ANO3: variants seen among roughly 807,000 people sequenced by gnomAD.
ANO3 encodes anoctamin 3, also known as anoctamin-3.
A neutral mutation model predicts 144.8 loss-of-function variants in ANO3; 99 were observed. That is an observed-to-expected ratio of 0.68 (90% CI 0.58 to 0.81). The LOEUF is 0.81. ANO3 is among the 30% of genes least tolerant of loss of function. The pLI is 0.00. For synonymous variants in ANO3, 414 were observed against 392.6 expected (o/e 1.05, Z -0.64); for missense variants, 905 against 1,202.2 (o/e 0.75, Z 3.66).
intron 7 of ANO3, among the ~76,000 whole-genome samples, chr11:26,530,436 T>G (rs1241442976): frequency 1.3e-5 from 2 of 151,522 alleles, no homozygotes; most frequent in Non-Finnish European, 1.5e-5. Context: ...AAGCAGGGAT[T>G]AATATCTATC....
intron 1 of ANO3, among the ~76,000 whole-genome samples, chr11:26,368,498 A>G (rs1201108633): frequency 1.3e-5 from 2 of 152,174 alleles, no homozygotes; most frequent in African/African-American, 4.8e-5. Context: ...ACCTAGTTTT[A>G]TATGGAATAA....
At chr11:26,322,607 A>G (rs1245358649) in intron 1 of ANO3, among the ~76,000 whole-genome samples, 1 of 152,090 alleles carries the variant, frequency 6.6e-6, no homozygotes, top group Non-Finnish European at 1.5e-5. Flanking sequence ...TTATGGTTAG[A>G]AAGGAATTAT....
At chr11:26,565,277 G>C in intron 14 of ANO3, 1 of 1,604,892 alleles carries the variant, frequency 6.2e-7, no homozygotes, top group Non-Finnish European at 8.5e-7. Context: ...AGCTATCACT[G>C]TTTGTGGTAA....
chr11:26,265,978 T>A (rs1038115778), intron 1 of ANO3, among the ~76,000 whole-genome samples: 9 of 152,180 alleles, frequency 5.9e-5, no homozygotes, highest in African/African-American at 1.9e-4. Context: ...AAGGGGAAAG[T>A]CCTGTCAGTG....
chr11:26,238,394 T>C (rs1399432524), intron 1 of ANO3, among the ~76,000 whole-genome samples: 1 of 152,148 alleles, frequency 6.6e-6, no homozygotes, highest in Non-Finnish European at 1.5e-5. Context: ...TTGAATTCAA[T>C]AGTCTTAATT....
intron 1 of ANO3, among the ~76,000 whole-genome samples, chr11:26,213,641 T>A (rs1214955584): frequency 6.6e-6 from 1 of 152,054 alleles, no homozygotes; most frequent in Non-Finnish European, 1.5e-5. Context: ...CGCAAACAAA[T>A]GGAAAGACAT....
chr11:26,600,282 TTCC>T, intron 17 of ANO3, among the ~76,000 whole-genome samples: 1 of 37,708 alleles, frequency 2.7e-5, no homozygotes, highest in Admixed American at 3.2e-4. Context: ...TCCCCTCCCC[TTCC>T]CCTCTCCCCT....
intron 1 of ANO3, among the ~76,000 whole-genome samples, chr11:26,208,819 G>A (rs73439615): frequency 0.023 from 3,447 of 152,108 alleles, 154 homozygotes; most frequent in African/African-American, 0.08. Flanking sequence ...TTAAAGTTTT[G>A]TACTAACATT....
At chr11:26,362,827 T>G (rs1237551936) in intron 1 of ANO3, among the ~76,000 whole-genome samples, 1 of 152,192 alleles carries the variant, frequency 6.6e-6, no homozygotes, top group African/African-American at 2.4e-5. Flanking sequence ...TATACCTTCT[T>G]TATAATTTTA....
intron 1 of ANO3, among the ~76,000 whole-genome samples, chr11:26,346,990 C>G (rs970659183): frequency 1.3e-5 from 2 of 152,156 alleles, no homozygotes; most frequent in African/African-American, 4.8e-5. Flanking sequence ...GGAGCTGATC[C>G]AGCACTGAAA....
At chr11:26,558,398 C>T (rs913446498) in intron 13 of ANO3, among the ~76,000 whole-genome samples, 3 of 152,088 alleles carry the variant, frequency 2.0e-5, no homozygotes, top group Non-Finnish European at 2.9e-5. Context: ...AGCTGTTCAG[C>T]AGCCTCAGGT....
At chr11:26,395,671 C>A (rs1477039699) in intron 1 of ANO3, among the ~76,000 whole-genome samples, 2 of 151,990 alleles carry the variant, frequency 1.3e-5, no homozygotes, top group Non-Finnish European at 2.9e-5. Context: ...CTTTGACAAA[C>A]CTGACAAAAA....
At chr11:26,363,803 T>G (rs1855989610) in intron 1 of ANO3, among the ~76,000 whole-genome samples, 1 of 149,564 alleles carries the variant, frequency 6.7e-6, no homozygotes, top group Non-Finnish European at 1.5e-5. Flanking sequence ...ACTGCAGATT[T>G]TCTTCATGTT....
At chr11:26,641,738 T>C (rs761973460) in intron 21 of ANO3, among the ~76,000 whole-genome samples, 158 bp from the exon 22 acceptor site, 5 of 152,194 alleles carry the variant, frequency 3.3e-5, no homozygotes, top group Non-Finnish European at 5.9e-5. Context: ...TCAAAATGTT[T>C]TTTTAACTTT....
intron 1 of ANO3, among the ~76,000 whole-genome samples, chr11:26,342,773 A>G (rs1855397610): frequency 6.6e-6 from 1 of 152,342 alleles, no homozygotes; most frequent in East Asian, 1.9e-4. Flanking sequence ...GTTTATCTGA[A>G]TAATATCCAC....
At chr11:26,475,160 A>G (rs2134077291) in intron 4 of ANO3, among the ~76,000 whole-genome samples, 1 of 152,076 alleles carries the variant, frequency 6.6e-6, no homozygotes, top group African/African-American at 2.4e-5. Context: ...TTACATAATG[A>G]AAATTCAATT....
chr11:26,597,049 G>A (rs1022476943), intron 14 of ANO3, among the ~76,000 whole-genome samples: 4 of 152,166 alleles, frequency 2.6e-5, no homozygotes, highest in African/African-American at 4.8e-5. Flanking sequence ...ATGGGTGCCC[G>A]GTTATTTTCC....
At chr11:26,292,179 C>T (rs2133854693) in intron 1 of ANO3, among the ~76,000 whole-genome samples, 1 of 152,190 alleles carries the variant, frequency 6.6e-6, no homozygotes, top group East Asian at 1.9e-4. Flanking sequence ...TCACTGATAG[C>T]CTTTCTTCCA....
At chr11:26,427,892 T>C (rs978801700) in intron 1 of ANO3, among the ~76,000 whole-genome samples, 10 of 152,078 alleles carry the variant, frequency 6.6e-5, no homozygotes, top group African/African-American at 2.4e-4. Context: ...TGAGGAAAGC[T>C]CCTAATAAAA....
Sources: gnomAD v4.1 joint callset for allele counts (sites outside exome capture counted in the v4.1 genomes callset) on GRCh38, gnomAD v4.1.1 for gene constraint, MANE v1.5 for transcripts, NCBI Gene and HGNC (gene_info 2026-07-23, HGNC 2026-07-21) for gene names.